WFS1: variants seen among roughly 807,000 people sequenced by gnomAD.
WFS1 encodes the protein wolframin.
A neutral mutation model predicts 68.5 loss-of-function variants in WFS1; 90 were observed. That is an observed-to-expected ratio of 1.31 (90% confidence interval 1.11 to 1.56). WFS1 has a LOEUF of 1.56. WFS1 is among the 40% of genes most tolerant of loss of function. The pLI, the probability that WFS1 is intolerant of heterozygous loss-of-function variation, is 0.00. For synonymous variants in WFS1, 860 were observed against 540.7 expected, an observed-to-expected ratio of 1.59 and a Z score of -8.19; for missense variants, 1,767 against 1,232.6, an observed-to-expected ratio of 1.43 and a Z score of -6.49.
intron 2 of WFS1, among the ~76,000 whole-genome samples, chr4:6,279,403 G>C (rs564333633): frequency 6.6e-6 from 1 of 152,214 alleles, no homozygotes; most frequent in Non-Finnish European, 1.5e-5. Context: ...ATGGGAAACC[G>C]AGGGATAGAG....
chr4:6,279,894 C>G (rs1469990867), intron 2 of WFS1, among the ~76,000 whole-genome samples: 1 of 152,238 alleles, frequency 6.6e-6, no homozygotes, highest in African/African-American at 2.4e-5. Flanking sequence ...GGAACTGACC[C>G]CCTTTTCAGC....
Position 6,283,101 on chromosome 4 carries a change from C to T in WFS1, c.233-3992C>T, listed in dbSNP as rs1477433202. Among the ~76,000 whole-genome samples the T allele has an allele frequency of 1.3e-5, 2 of 152,124 alleles. No homozygotes were observed. The highest frequency in any genetic ancestry group is 4.8e-5 in the African/African-American group (2 of 41,430). On this transcript the variant is annotated intron_variant, in intron 2 of 7. Coordinates refer to ENST00000226760, the MANE Select transcript of WFS1 (RefSeq NM_006005.3). This position sits in a 1 kb window ranked among gnomAD's most constrained non-coding sequence, Gnocchi z 5.0. ...GGCAGTGGGCTGTGCCGGGAAGGGG[C>T]GCATCCTGGAGGATGCCCTAGGTAG... is the stretch of plus-strand genomic sequence containing the variant.
chr4:6,296,099 G>C (rs1194773894), intron 7 of WFS1, among the ~76,000 whole-genome samples: 1 of 152,236 alleles, frequency 6.6e-6, no homozygotes, highest in African/African-American at 2.4e-5. Context: ...ATTCAGATGG[G>C]CGCGTGAGTC....
In WFS1 at chr4:6,300,932, C is replaced by G. The variant is rs746693970; in HGVS notation, c.1137C>G (p.Asp379Glu). 1.9e-6 allele frequency: 3 copies of G among 1,614,228 alleles called. No homozygotes were observed. The South Asian group carries it at 3.3e-5, about 18-fold the overall frequency. The change falls in exon 8 of 8, where the codon GAC becomes GAG. Residue 379 changes from aspartate to glutamate, a missense_variant. Coordinates refer to ENST00000226760, the MANE Select transcript of WFS1 (RefSeq NM_006005.3). ...GGGAGAACTTCCGCACCCTCACCGA[C>G]CTGCTGCTGCGCTTCGAGCCCAACC... Reference protein sequence around the residue: ...KAWENFRTLTDLLLRFEPNLD... With the variant: ...KAWENFRTLTELLLRFEPNLD...
rs1452088655 is a variant in WFS1 at position 6,301,754 on chromosome 4, C to G, written c.1959C>G (p.Arg653=). 1.9e-6 allele frequency: 3 copies of G among 1,613,852 alleles called. No homozygotes were observed. The South Asian group carries it at 3.3e-5, about 18-fold the overall frequency. Residue 653 remains arginine (R), a synonymous_variant, in exon 8 of 8, where the codon CGC becomes CGG. Coordinates refer to ENST00000226760, the MANE Select transcript of WFS1 (RefSeq NM_006005.3). ...IVLFCWFYVY[R]SEGMKVYNST... ...TGTTCTGCTGGTTCTATGTGTACCG[C>G]TCAGAGGGCATGAAGGTCTACAACT...
At chr4:6,291,729 A>T (rs1730469554) in intron 5 of WFS1, among the ~76,000 whole-genome samples, 188 bp from the exon 6 acceptor site, 1 of 152,072 alleles carries the variant, frequency 6.6e-6, no homozygotes, top group Admixed American at 6.6e-5. Flanking sequence ...TGCTGAGTCC[A>T]CCCCAGCTAC....
At chr4:6,277,242 T>C (rs550991011) in intron 1 of WFS1, among the ~76,000 whole-genome samples, 20 of 152,216 alleles carry the variant, frequency 1.3e-4, no homozygotes, top group Non-Finnish European at 2.5e-4. Context: ...ATGCCATCTG[T>C]AGAGTCACGT....
rs772586872 is a variant in WFS1, at chr4:6,295,119, T to C, written c.791T>C (p.Phe264Ser). 3.4e-5 allele frequency: 55 copies of C among 1,613,370 alleles called. No individual in the cohort carries two copies. Among genetic ancestry groups the C allele is most frequent in the Non-Finnish European group, 4.6e-5 (54 of 1,180,028 alleles). ...AAGGGCGTCATCCCCAGCAGCCTGT[T>C]CCTGCAGGACGACGAAGATGATGAC... ...YAKGVIPSSL[F>S]LQDDEDDDEL... Residue 264 changes from phenylalanine to serine, a missense_variant, in exon 7 of 8, where the codon TTC (phenylalanine) becomes TCC (serine). By Grantham distance (155) the Phe-to-Ser change is radical. Transcript: ENST00000226760.
chr4:6,277,351 T>C (rs1578585498), intron 1 of WFS1, 100 bp from the exon 2 acceptor site: 3 of 1,174,674 alleles, frequency 2.6e-6, no homozygotes, highest in South Asian at 1.3e-5. Flanking sequence ...GTCTGGCAGC[T>C]CCCACCTGCC....
At chr4:6,270,923 G>A (rs973769392) in intron 1 of WFS1, among the ~76,000 whole-genome samples, 1 of 152,196 alleles carries the variant, frequency 6.6e-6, no homozygotes, top group South Asian at 2.1e-4. Flanking sequence ...AGCTGATGGG[G>A]CAGAGCCTGG....
intron 6 of WFS1, 101 bp from the exon 7 acceptor site, chr4:6,294,940 T>C (rs1282877781): frequency 3.8e-6 from 6 of 1,594,328 alleles, no homozygotes; most frequent in Admixed American, 1.7e-5. Context: ...GCTCCTTTCT[T>C]AGCTTGGCCC....
At chr4:6,286,831 C>T (rs1323480552) in intron 2 of WFS1, among the ~76,000 whole-genome samples, 3 of 152,174 alleles carry the variant, frequency 2.0e-5, no homozygotes, top group Admixed American at 6.5e-5. Flanking sequence ...CCTCCCACCC[C>T]GAGCGCTTTG....
intron 1 of WFS1, among the ~76,000 whole-genome samples, chr4:6,276,434 C>G (rs942881174): frequency 4.6e-5 from 7 of 152,204 alleles, no homozygotes; most frequent in Non-Finnish European, 8.8e-5. Context: ...TCACTCTAGT[C>G]TCTTCTGATG....
At chr4:6,286,639 A>G (rs1025630092) in intron 2 of WFS1, among the ~76,000 whole-genome samples, 2 of 152,240 alleles carry the variant, frequency 1.3e-5, no homozygotes, top group East Asian at 1.9e-4. Flanking sequence ...TGTTGGTACA[A>G]TCATGGAAAA....
Position 6,300,662 on chromosome 4 carries a change from C to G in WFS1, c.867C>G (p.Val289=), listed in dbSNP as rs1313751890. ...PEDLPLRLKV[V]KYPLHAIMEI... The stretch of plus-strand genomic sequence containing the variant: ...ACGTACCATCTTTCCCCCAGGTGGT[C>G]AAGTACCCCCTGCACGCCATCATGG... The change falls in exon 8 of 8, where the codon GTC becomes GTG. Residue 289 remains valine, a synonymous_variant. Transcript: ENST00000226760. 1.2e-6 allele frequency: 2 copies of G among 1,613,952 alleles called. No individual in the cohort carries two copies. Among genetic ancestry groups the G allele is most frequent in the Non-Finnish European group, 1.7e-6 (2 of 1,179,942 alleles).
At chr4:6,286,109 ACT>A (rs1730301808) in intron 2 of WFS1, among the ~76,000 whole-genome samples, 1 of 151,946 alleles carries the variant, frequency 6.6e-6, no homozygotes, top group Admixed American at 6.6e-5. Flanking sequence ...CAGTAACCTG[ACT>A]CTGTCTCCTT....
chr4:6,271,354 C>G (rs1729833983), intron 1 of WFS1, among the ~76,000 whole-genome samples: 1 of 152,196 alleles, frequency 6.6e-6, no homozygotes, highest in Non-Finnish European at 1.5e-5. Flanking sequence ...GATGGAAGAG[C>G]ATGGAGGGCG....
chr4:6,277,956 C>G (rs2109108306), intron 2 of WFS1, among the ~76,000 whole-genome samples: 1 of 152,390 alleles, frequency 6.6e-6, no homozygotes, highest in Non-Finnish European at 1.5e-5. Flanking sequence ...TGCAGCACTT[C>G]ACAGCTTCCA....
intron 3 of WFS1, 191 bp from the exon 4 acceptor site, chr4:6,288,796 T>A (rs1407797938): frequency 1.3e-6 from 1 of 787,520 alleles, no homozygotes; most frequent in Non-Finnish European, 2.1e-6. Flanking sequence ...CCTCACCGTG[T>A]TTTGAGGAGC....
Sources: allele counts gnomAD v4.1 joint callset (sites outside exome capture counted in the v4.1 genomes callset), GRCh38; gene constraint gnomAD v4.1.1; non-coding constraint Gnocchi (gnomAD v3.1); transcripts MANE v1.5; gene names NCBI Gene and HGNC (gene_info 2026-07-23, HGNC 2026-07-21).